SF3B1: variants seen among roughly 807,000 people sequenced by gnomAD.
SF3B1 encodes the protein splicing factor 3b subunit 1, also known as pre-mRNA processing 10.
In SF3B1, 12 loss-of-function variants were observed where a neutral mutation model predicts 153.8. The observed-to-expected ratio is 0.08, with a 90% confidence interval of 0.05 to 0.13. The LOEUF (loss-of-function observed/expected upper bound fraction) is 0.13, where lower values mean the gene tolerates loss of function less well. Ranked by LOEUF, SF3B1 falls within the 10% of genes least tolerant of loss-of-function variation. The probability of loss-of-function intolerance (pLI) is 1.00; values close to 1 mark genes in which losing one functional copy is unlikely to be tolerated. For synonymous variants in SF3B1, 498 were observed against 525.2 expected, an observed-to-expected ratio of 0.95 and a Z score of 0.71; for missense variants, 513 against 1,606.1, an observed-to-expected ratio of 0.32 and a Z score of 11.63.
intron 5 of SF3B1, among the ~76,000 whole-genome samples, chr2:197,418,227 C>CT (rs1207819831): frequency 3.1e-4 from 7 of 22,638 alleles, no homozygotes; most frequent in African/African-American, 8.4e-4. Context: ...CAGAGTGAGA[C>CT]TGTGTCCAAA....
In SF3B1 at chr2:197,412,338, TTTAA is replaced by T. The variant is rs562485125; in HGVS notation, c.667-2335_667-2332del. ...TTTTTAAAAAAGTCTGAGTCTCTGATTTAATTTATTTATTTATTTATTTATTTAT... is the reference window on the plus strand; with the variant it reads ...TTTTTAAAAAAGTCTGAGTCTCTGATTTTATTTATTTATTTATTTATTTAT... On this transcript the variant is annotated intron_variant, in intron 6 of 24. Transcript: ENST00000335508. Among the ~76,000 whole-genome samples, 607 of 116,688 alleles carry T rather than the reference TTTAA, an allele frequency of 5.2e-3. 1 individual carries two copies. The highest frequency in any genetic ancestry group is 9.2e-3 in the Non-Finnish European group (499 of 54,446). The allele number at this position is 116,688 out of a possible 152,430, so 76.6% of individuals were successfully genotyped here.
chr2:197,416,190 A>C (rs2085146328), intron 6 of SF3B1, among the ~76,000 whole-genome samples: 1 of 151,910 alleles, frequency 6.6e-6, no homozygotes. Context: ...AGCATTGACT[A>C]TTTGCTGCCA....
In SF3B1 at chr2:197,405,122, A is replaced by G; in HGVS notation, c.1493T>C (p.Met498Thr). 6.2e-7 allele frequency: 1 copy of G among 1,612,692 alleles called. No individual in the cohort carries two copies. Among genetic ancestry groups the G allele is most frequent in the Non-Finnish European group, 8.5e-7 (1 of 1,179,254 alleles). ...ATTCTTAATTTTTAAAAGCAACTTC[A>G]TTATTTTTCTCTCTTTTTGCTCTTC... ...SPEEQKERKI[M>T]KLLLKIKNGT... The change falls in exon 11 of 25, where the codon ATG becomes ACG. Residue 498 changes from methionine (M) to threonine (T), a missense_variant. Around this residue, in one of 21 missense-constraint regions of SF3B1, gnomAD observed 34 missense variants for 190.8 expected, o/e 0.18. Transcript: ENST00000335508.
intron 1 of SF3B1, among the ~76,000 whole-genome samples, chr2:197,424,404 G>C (rs921843172): frequency 6.6e-6 from 1 of 151,810 alleles, no homozygotes; most frequent in Non-Finnish European, 1.5e-5. Context: ...GGGAAGTTGA[G>C]GCAGGAGAAT....
intron 22 of SF3B1, 149 bp from the exon 23 acceptor site, chr2:197,396,477 CATT>C (rs2084875494): frequency 9.3e-6 from 6 of 642,738 alleles, no homozygotes; most frequent in African/African-American, 1.8e-5. Flanking sequence ...AAGTCACTGG[CATT>C]GTTGTTTCTA....
intron 1 of SF3B1, among the ~76,000 whole-genome samples, chr2:197,433,984 C>A (rs563919204): frequency 6.6e-6 from 1 of 152,334 alleles, no homozygotes; most frequent in Non-Finnish European, 1.5e-5. Flanking sequence ...CATCTGGCCT[C>A]ATGAGAGAAT....
intron 20 of SF3B1, 80 bp from the exon 21 acceptor site, chr2:197,398,661 T>C: frequency 3.2e-6 from 4 of 1,254,326 alleles, no homozygotes; most frequent in South Asian, 1.3e-5. Flanking sequence ...CAATGTCATA[T>C]ATGACTATGT....
chr2:197,432,043 T>TA (rs554252867), intron 1 of SF3B1, among the ~76,000 whole-genome samples: 220 of 152,280 alleles, frequency 1.4e-3, no homozygotes, highest in Admixed American at 8.9e-3. Context: ...GAGGATCACT[T>TA]GAGCCCAGCA....
In SF3B1 at chr2:197,390,341, T is replaced by C. The variant is rs2105971977; in HGVS notation, c.*1962A>G. ...AATACAACTAAAATTTCCTGAGTCATTTAACATCAAATTTTGGCTTTGTAA... is the reference window on the plus strand; with the variant it reads ...AATACAACTAAAATTTCCTGAGTCACTTAACATCAAATTTTGGCTTTGTAA... On this transcript the variant is annotated 3_prime_UTR_variant, in exon 25 of 25. Coordinates refer to ENST00000335508, the MANE Select transcript of SF3B1 (RefSeq NM_012433.4). 1 of 152,350 alleles carries C rather than the reference T, an allele frequency of 6.6e-6. No homozygotes were observed. The highest frequency in any genetic ancestry group is 2.4e-5 in the African/African-American group (1 of 41,598). 9.4% of individuals were successfully genotyped at this position (152,350 alleles called of 1,614,324 possible). A position where few individuals can be genotyped will look rare whatever the true frequency, so the allele number is the denominator to read the frequency against.
intron 6 of SF3B1, among the ~76,000 whole-genome samples, chr2:197,411,664 C>G (rs1574538286): frequency 1.3e-5 from 2 of 150,058 alleles, no homozygotes; most frequent in Admixed American, 6.6e-5. Flanking sequence ...AGAGTGAGAC[C>G]CCGTCTCAAA....
At chr2:197,419,476 T>C (rs1355316760) in intron 4 of SF3B1, 1 of 218,290 alleles carries the variant, frequency 4.6e-6, no homozygotes, top group Admixed American at 5.8e-5. Context: ...AATAATAAAA[T>C]TCTAAGACAT....
At chr2:197,412,827 G>A (rs6710530) in intron 6 of SF3B1, among the ~76,000 whole-genome samples, 106,951 of 149,980 alleles carry the variant, frequency 0.71, 38,802 homozygotes, top group Middle Eastern at 0.87. Context: ...TCTACTAAAA[G>A]TTAGCCAGGC....
Position 197,402,478 on chromosome 2 carries a change from G to T in SF3B1, c.2077+78C>A. The T allele has an allele frequency of 7.7e-7, 1 of 1,297,970 alleles. No homozygotes were observed. The highest frequency in any genetic ancestry group is 1.1e-6 in the Non-Finnish European group (1 of 942,134). 80.4% of individuals were successfully genotyped at this position (1,297,970 alleles called of 1,614,324 possible). A position where few individuals can be genotyped will look rare whatever the true frequency, so the allele number is the denominator to read the frequency against. The stretch of plus-strand genomic sequence containing the variant: ...GAGGATCACTTGAGCCCAAAGGTTT[G>T]AGTCCAGTCTGGGCAACATAGTAAG... On this transcript the variant is annotated intron_variant, in intron 14 of 24. Transcript: ENST00000335508. The surrounding 1 kb of genome is among the most constrained non-coding windows in gnomAD (Gnocchi z 4.6).
intron 23 of SF3B1, among the ~76,000 whole-genome samples, chr2:197,393,524 C>T (rs1231909785): frequency 4.0e-5 from 6 of 151,118 alleles, no homozygotes; most frequent in Non-Finnish European, 5.9e-5. Flanking sequence ...GTGATCTTGG[C>T]TCACTGCAAC....
chr2:197,412,653 G>C (rs2085088060), intron 6 of SF3B1, among the ~76,000 whole-genome samples: 1 of 151,634 alleles, frequency 6.6e-6, no homozygotes. Context: ...ACCGCGTCTG[G>C]CCGAGTCTCT....
intron 24 of SF3B1, 111 bp from the exon 25 acceptor site, chr2:197,392,572 G>GGGT: frequency 2.9e-6 from 1 of 345,588 alleles, no homozygotes. Flanking sequence ...TGGGGAGTTG[G>GGGT]GGGGGGGGGA....
chr2:197,396,086 G>A lies in SF3B1; in HGVS notation c.3509C>T (p.Thr1170Ile). 1 of 1,613,668 alleles carries A rather than the reference G, an allele frequency of 6.2e-7. No homozygotes were observed. The highest frequency in any genetic ancestry group is 8.5e-7 in the Non-Finnish European group (1 of 1,179,642). ...EMGKDYIYAV[T>I]PLLEDALMDR... Reference sequence around the variant, plus strand: ...CATTAAAGCATCTTCAAGTAACGGTGTTACGGCATAAATGTAGTCTTTTCC... The same window carrying A: ...CATTAAAGCATCTTCAAGTAACGGTATTACGGCATAAATGTAGTCTTTTCC... The change falls in exon 23 of 25, where the codon ACA becomes ATA. Residue 1170 changes from threonine to isoleucine, a missense_variant. Transcript: ENST00000335508.
intron 5 of SF3B1, among the ~76,000 whole-genome samples, chr2:197,417,462 G>A (rs947270720): frequency 1.3e-5 from 2 of 151,410 alleles, no homozygotes; most frequent in African/African-American, 4.9e-5. Flanking sequence ...AGGAGGCTGG[G>A]TACGGTGGCT....
At position 197,409,256 on chromosome 2, in the gene SF3B1, G is replaced by A. The variant is rs146138849; in HGVS notation, c.904+514C>T. Among the ~76,000 whole-genome samples, 835 of 152,070 alleles carry A rather than the reference G, an allele frequency of 5.5e-3. 6 individuals carry two copies. The highest frequency in any genetic ancestry group is 0.018 in the African/African-American group (758 of 41,490). On this transcript the variant is annotated intron_variant, in intron 7 of 24. Coordinates refer to ENST00000335508, the MANE Select transcript of SF3B1 (RefSeq NM_012433.4). The stretch of plus-strand genomic sequence containing the variant: ...CTCTACTAAAAATACAAAATTAGCC[G>A]GGCTTGGTGGCGCATGCCTGTAATC...
Sources: allele counts gnomAD v4.1 joint callset (sites outside exome capture counted in the v4.1 genomes callset), GRCh38; gene constraint gnomAD v4.1.1; regional missense constraint gnomAD v4.1.1; non-coding constraint Gnocchi (gnomAD v3.1); transcripts MANE v1.5; gene names NCBI Gene and HGNC (gene_info 2026-07-23, HGNC 2026-07-21).